The following NAA38 variants were observed in gnomAD, a reference collection of about 807,000 sequenced individuals.
NAA38 encodes the protein LSM domain containing 1.
A neutral mutation model predicts 12.6 loss-of-function variants in NAA38; 15 were observed. The ratio of observed to expected loss-of-function variants is 1.19; its 90% CI spans 0.79 to 1.83. The LOEUF (loss-of-function observed/expected upper bound fraction) is 1.83. NAA38 is among the 40% of genes most tolerant of loss of function. The probability of loss-of-function intolerance (pLI) is 0.00; values close to 1 mark genes in which losing one functional copy is unlikely to be tolerated. For missense variants in NAA38, 183 were observed against 171.7 expected (o/e 1.07, Z -0.37); for synonymous variants, 88 against 69.9 (o/e 1.26, Z -1.29).
At chr17:7,878,921 A>G (rs1321767623) in intron 2 of NAA38, among the ~76,000 whole-genome samples, 1 of 151,640 alleles carries the variant, frequency 6.6e-6, no homozygotes, top group Non-Finnish European at 1.5e-5. Flanking sequence ...AACATTATAA[A>G]TATGTATATG....
chr17:7,860,260 C>T (rs181872284), upstream of NAA38: 2 of 152,450 alleles, frequency 1.3e-5, no homozygotes, highest in Non-Finnish European at 2.9e-5. Context: ...CACAAGTGAT[C>T]CTCCCATCTC....
At chr17:7,857,284 T>G (rs909366766) in intron 1 of NAA38, 86 bp from the exon 2 acceptor site, 5 of 1,610,716 alleles carry the variant, frequency 3.1e-6, no homozygotes, top group Non-Finnish European at 4.2e-6. Context: ...CGCGGGGCAC[T>G]CACACAAAGC....
intron 2 of NAA38, among the ~76,000 whole-genome samples, chr17:7,870,754 G>A (rs543261541): frequency 2.8e-4 from 42 of 151,892 alleles, no homozygotes; most frequent in Non-Finnish European, 5.1e-4. Context: ...CAGTGCAGTG[G>A]TGCACGCCTG....
upstream of NAA38, chr17:7,858,523 G>A: frequency 1.2e-6 from 2 of 1,613,924 alleles, no homozygotes; most frequent in South Asian, 1.1e-5. Flanking sequence ...AGGAAATGGA[G>A]AGCGGGGATG....
chr17:7,858,925 T>C (rs1597873455), upstream of NAA38: 1 of 1,112,516 alleles, frequency 9.0e-7, no homozygotes, highest in East Asian at 2.6e-5. Flanking sequence ...CCGGTGGGAG[T>C]GTATTTTCTG....
chr17:7,882,554 T>A (rs897921816), intron 2 of NAA38, among the ~76,000 whole-genome samples: 2 of 151,358 alleles, frequency 1.3e-5, no homozygotes, highest in Non-Finnish European at 2.9e-5. Flanking sequence ...GATAACCAGA[T>A]GAACTAGTAA....
rs1381873472 is a variant in NAA38 at position 7,856,839 on chromosome 17, G to T, written c.270C>A (p.Ser90=). ...GCACACGGGGCTCCCCGGCAGAGAA[G>T]GAATCTGGAAAGAAGGATCAGAGCA... is the stretch of plus-strand genomic sequence containing the variant. ...SAQEFLKPSD[S]FSAGEPRVLG... Residue 90 remains serine, a synonymous_variant, in exon 3 of 3, where the codon TCC becomes TCA. Coordinates refer to ENST00000575771, the MANE Select transcript of NAA38 (RefSeq NM_001320925.4). 3 of 1,613,690 alleles carry T rather than the reference G, an allele frequency of 1.9e-6. No individual in the cohort carries two copies. Among genetic ancestry groups the T allele is most frequent in the East Asian group, 4.5e-5 (2 of 44,878 alleles).
upstream of NAA38, chr17:7,858,093 AAGG>A (rs777165455): frequency 7.8e-5 from 125 of 1,610,214 alleles, no homozygotes; most frequent in Middle Eastern, 5.4e-4. Context: ...CTGAGGAGCA[AAGG>A]AGTAACCAAG....
At chr17:7,866,253 ATTTTTTTTTTTTT>A (rs56289148) in intron 3 of NAA38, among the ~76,000 whole-genome samples, 8 of 90,588 alleles carry the variant, frequency 8.8e-5, no homozygotes, top group South Asian at 5.1e-4. Context: ...AGCCCGGCTA[ATTTTTTTTTTTTT>A]TTTTTTTTTT....
chr17:7,877,011 C>A, intron 2 of NAA38: 1 of 337,020 alleles, frequency 3.0e-6, no homozygotes, highest in South Asian at 2.2e-5. Context: ...ACCCTAACTA[C>A]ATTACATCTA....
At chr17:7,885,202 C>T in exon 1 of NAA38, 1 of 929,970 alleles carries the variant, frequency 1.1e-6, no homozygotes, top group Non-Finnish European at 1.3e-6. Flanking sequence ...AGCGCGAATC[C>T]GGGGCTCGGG....
chr17:7,884,657 G>A, intron 1 of NAA38: 1 of 386,588 alleles, frequency 2.6e-6, no homozygotes, highest in Non-Finnish European at 4.6e-6. Flanking sequence ...GGTTTGGGGG[G>A]CTGGGGGAGG....
At position 7,856,696 on chromosome 17, in the gene NAA38, G is replaced by T; in HGVS notation, c.*35C>A. On this transcript the variant is annotated 3_prime_UTR_variant, in exon 3 of 3. Transcript: ENST00000575771. ...CAGACACAGGCCCATTCGGTCATAA[G>T]TTTAATGAAGTCTGAAAGGTAAGCG... 6.4e-7 allele frequency: 1 copy of T among 1,559,320 alleles called. No homozygotes were observed. Among genetic ancestry groups the T allele is most frequent in the Non-Finnish European group, 8.8e-7 (1 of 1,130,798 alleles).
At chr17:7,858,732 CA>C, upstream of NAA38, 1 of 1,606,812 alleles carries the variant, frequency 6.2e-7, no homozygotes, top group Non-Finnish European at 8.5e-7. Context: ...GCCCTGGTGG[CA>C]GGGGTCGTAT....
upstream of NAA38, chr17:7,858,593 C>A (rs1250089275): frequency 3.7e-6 from 6 of 1,607,088 alleles, no homozygotes; most frequent in Non-Finnish European, 5.1e-6. Flanking sequence ...TCGCCCCAAA[C>A]CCTCCTTTAA....
chr17:7,885,090 G>A (rs1313849494), intron 1 of NAA38: 3 of 974,780 alleles, frequency 3.1e-6, no homozygotes, highest in African/African-American at 1.8e-5. Flanking sequence ...CCAGGTAAGC[G>A]CCCGCCCCGA....
At chr17:7,884,457 CATATATATATATATATATATGTAT>C (rs1185826859) in intron 1 of NAA38, among the ~76,000 whole-genome samples, 8 of 130,834 alleles carry the variant, frequency 6.1e-5, no homozygotes, top group African/African-American at 8.6e-5. Context: ...TATATATATA[CATATATATATATATATATATGTAT>C]ATATATATAT....
chr17:7,870,267 T>G (rs1967063583), intron 2 of NAA38, among the ~76,000 whole-genome samples: 1 of 151,910 alleles, frequency 6.6e-6, no homozygotes, highest in Non-Finnish European at 1.5e-5. Context: ...GTCTTAAAAA[T>G]AAAATAAAAT....
chr17:7,869,656 G>A (rs1390318175), intron 2 of NAA38, among the ~76,000 whole-genome samples: 1 of 152,142 alleles, frequency 6.6e-6, no homozygotes, highest in East Asian at 1.9e-4. Context: ...CCAGCTACTT[G>A]GAAGGCTAAG....
Sources: gnomAD v4.1 joint callset for allele counts (sites outside exome capture counted in the v4.1 genomes callset) on GRCh38, gnomAD v4.1.1 for gene constraint, MANE v1.5 for transcripts, NCBI Gene and HGNC (gene_info 2026-07-23, HGNC 2026-07-21) for gene names.